The following CLTCL1 variants were observed in gnomAD, a reference collection of about 807,000 sequenced individuals.
The protein encoded by CLTCL1 is clathrin heavy chain like 1.
In CLTCL1, 159 loss-of-function variants were observed where a neutral mutation model predicts 190.0. The ratio of observed to expected loss-of-function variants is 0.84; its 90% CI spans 0.74 to 0.95. The LOEUF (loss-of-function observed/expected upper bound fraction) is 0.95, where lower values mean the gene tolerates loss of function less well. CLTCL1 is among the 40% of genes least tolerant of loss of function. The probability of loss-of-function intolerance (pLI) is 0.00; values close to 1 mark genes in which losing one functional copy is unlikely to be tolerated. For missense variants in CLTCL1, 1,878 were observed against 2,033.4 expected, an observed-to-expected ratio of 0.92 and a Z score of 1.47; for synonymous variants, 752 against 769.6, an observed-to-expected ratio of 0.98 and a Z score of 0.38.
At position 19,238,242 on chromosome 22, in the gene CLTCL1, G is replaced by A. The variant is rs537240066; in HGVS notation, c.795+1033C>T. 1.4e-3 allele frequency among the ~76,000 whole-genome samples: 208 copies of A among 152,016 alleles called. 1 individual carries two copies. The highest frequency in any genetic ancestry group is 5.2e-3 in the South Asian group (25 of 4,818). ...GTAGCTGGGACTACAGGTGCACACC[G>A]CCATGCCCAGTTAATTTTTTATATT... is the stretch of plus-strand genomic sequence containing the variant. On this transcript the variant is annotated intron_variant, in intron 5 of 32. Coordinates refer to ENST00000427926, the MANE Select transcript of CLTCL1 (RefSeq NM_007098.4).
chr22:19,185,953 T>C (rs1601432881), intron 29 of CLTCL1, among the ~76,000 whole-genome samples: 1 of 152,302 alleles, frequency 6.6e-6, no homozygotes, highest in African/African-American at 2.4e-5. Flanking sequence ...CCATTCCCTC[T>C]GCAGGGGCCC....
At position 19,201,279 on chromosome 22, in the gene CLTCL1, G is replaced by A. The variant is rs1386170707; in HGVS notation, c.3765+50C>T. On this transcript the variant is annotated intron_variant, in intron 23 of 32. Coordinates refer to ENST00000427926, the MANE Select transcript of CLTCL1 (RefSeq NM_007098.4). ...CCGAGCAGAACGCAAAGGACACGGA[G>A]AGCGTGCCTGTCCAGCACACTCTGC... is the stretch of plus-strand genomic sequence containing the variant. The A allele has an allele frequency of 3.9e-6, 6 of 1,554,858 alleles. No homozygotes were observed. The African/African-American group carries it at 4.1e-5, about 11-fold the overall frequency.
At chr22:19,191,232 G>C in intron 27 of CLTCL1, 72 bp downstream of exon 27, 1 of 1,573,810 alleles carries the variant, frequency 6.4e-7, no homozygotes, top group African/African-American at 1.4e-5. Flanking sequence ...CTTTATAAAG[G>C]TGCTATCATT....
rs782498536 is a variant in CLTCL1, at chr22:19,242,819, C to CA, written c.636dup (p.Ala213CysfsTer10). 164 of 1,613,838 alleles carry CA rather than the reference C, an allele frequency of 1.0e-4. No homozygotes were observed. The highest frequency in any genetic ancestry group is 1.3e-4 in the Non-Finnish European group (155 of 1,179,888). On this transcript the variant is annotated frameshift_variant, in exon 4 of 33. Transcript: ENST00000427926. LOFTEE classifies it high-confidence loss of function. Reference sequence around the variant, plus strand: ...CGTACAGCAAAGCAGAAAAGGGTGGCAGGCTTGGCATTCCCCTCCATCTTG... The same window carrying CA: ...CGTACAGCAAAGCAGAAAAGGGTGGCAAGGCTTGGCATTCCCCTCCATCTTG...
intron 15 of CLTCL1, 144 bp downstream of exon 15, chr22:19,222,540 C>A: frequency 1.1e-6 from 1 of 920,730 alleles, no homozygotes; most frequent in South Asian, 1.7e-5. Context: ...GTCTTCTACT[C>A]TGGCAGTCTG....
chr22:19,199,978 A>G, intron 23 of CLTCL1, 137 bp from the exon 24 acceptor site: 1 of 599,862 alleles, frequency 1.7e-6, no homozygotes, highest in Non-Finnish European at 3.0e-6. Flanking sequence ...ACAAGTAGCT[A>G]ACTCTATGAT....
At chr22:19,268,891 A>G (rs1228089796) in intron 2 of CLTCL1, among the ~76,000 whole-genome samples, 1 of 152,140 alleles carries the variant, frequency 6.6e-6, no homozygotes, top group African/African-American at 2.4e-5. Context: ...TCAGATCAAG[A>G]CCATCCTGGC....
intron 29 of CLTCL1, chr22:19,184,196 C>T: frequency 6.8e-6 from 2 of 294,250 alleles, no homozygotes. Flanking sequence ...ACAGCAGGCA[C>T]TGGATCACCT....
At chr22:19,229,748 C>T (rs2085859534) in intron 11 of CLTCL1, 90 bp downstream of exon 11, 3 of 1,325,056 alleles carry the variant, frequency 2.3e-6, no homozygotes, top group Non-Finnish European at 1.0e-6. Context: ...ACAAGCCCAG[C>T]CCAGTCCAAA....
At chr22:19,266,406 G>A (rs1272181586) in intron 2 of CLTCL1, among the ~76,000 whole-genome samples, 3 of 152,128 alleles carry the variant, frequency 2.0e-5, no homozygotes, top group Non-Finnish European at 4.4e-5. Context: ...CAGATTCACA[G>A]CAAGTAAGGA....
At chr22:19,288,942 C>T (rs575491116) in intron 1 of CLTCL1, among the ~76,000 whole-genome samples, 3 of 152,358 alleles carry the variant, frequency 2.0e-5, no homozygotes, top group Admixed American at 1.3e-4. Flanking sequence ...CTGGACATCA[C>T]AGAAGATGCG....
intron 9 of CLTCL1, 41 bp downstream of exon 9, chr22:19,233,125 G>A (rs807458): frequency 0.066 from 103,963 of 1,587,146 alleles, 3,644 homozygotes; most frequent in Middle Eastern, 0.11. Context: ...TCAACCACAC[G>A]TGAGTAATCT....
intron 19 of CLTCL1, among the ~76,000 whole-genome samples, chr22:19,214,034 T>C (rs1279478740): frequency 6.6e-6 from 1 of 152,224 alleles, no homozygotes; most frequent in Non-Finnish European, 1.5e-5. Context: ...TGTATGACTG[T>C]ACTACAGCCT....
At position 19,194,153 on chromosome 22, in the gene CLTCL1, C is replaced by T. The variant is rs182883362; in HGVS notation, c.4191+2113G>A. On this transcript the variant is annotated intron_variant, in intron 26 of 32. Coordinates refer to ENST00000427926, the MANE Select transcript of CLTCL1 (RefSeq NM_007098.4). ...GATTGGTGCATTTACAATCCTTTAG[C>T]TAGATGCAGAGTGCTGATTGGTGTA... 9.5e-4 allele frequency among the ~76,000 whole-genome samples: 144 copies of T among 152,250 alleles called. 2 individuals carry two copies. In the South Asian group the frequency reaches 0.014, roughly 15 times the overall value.
Position 19,191,372 on chromosome 22 carries a change from T to G in CLTCL1, c.4255A>C (p.Ile1419Leu), listed in dbSNP as rs782255546. 2 of 1,614,044 alleles carry G rather than the reference T, an allele frequency of 1.2e-6. No homozygotes were observed. The highest frequency in any genetic ancestry group is 1.7e-6 in the Non-Finnish European group (2 of 1,179,896). Reference protein sequence around the residue: ...QFYLDYKPLLINDLLLVLSPR... With the variant: ...QFYLDYKPLLLNDLLLVLSPR... ...GAAAGCACCAGCAGCAGGTCATTGATGAGCAGTGGTTTGTAATCCAAATAG... is the reference window on the plus strand; with the variant it reads ...GAAAGCACCAGCAGCAGGTCATTGAGGAGCAGTGGTTTGTAATCCAAATAG... The change falls in exon 27 of 33, where the codon ATC becomes CTC. Residue 1419 changes from isoleucine (I) to leucine (L), a missense_variant. Ile to Leu is a conservative substitution (Grantham distance 5). Transcript: ENST00000427926.
intron 22 of CLTCL1, among the ~76,000 whole-genome samples, chr22:19,204,128 G>A (rs2084979654): frequency 1.3e-5 from 2 of 152,158 alleles, no homozygotes; most frequent in Admixed American, 6.5e-5. Context: ...GAGGGGTTCC[G>A]CTGACCCCTA....
rs781997587 is a variant in CLTCL1 at position 19,180,910 on chromosome 22, G to T, written c.4828-104C>A. 11 of 939,632 alleles carry T rather than the reference G, an allele frequency of 1.2e-5. No homozygotes were observed. In the South Asian group the frequency reaches 1.2e-4, roughly 10 times the overall value. 58.2% of individuals were successfully genotyped at this position (939,632 alleles called of 1,614,324 possible). On this transcript the variant is annotated intron_variant, in intron 30 of 32. Transcript: ENST00000427926. ...CAGGACACAGGGCCTCCAGGAGAATGACAGTGGAGGAGGTGCACATGGGCA... is the reference window on the plus strand; with the variant it reads ...CAGGACACAGGGCCTCCAGGAGAATTACAGTGGAGGAGGTGCACATGGGCA...
chr22:19,254,023 T>C lies in CLTCL1; in HGVS notation c.455A>G (p.Gln152Arg), dbSNP rs781966002. 3 of 1,612,740 alleles carry C rather than the reference T, an allele frequency of 1.9e-6. No individual in the cohort carries two copies. The highest frequency in any genetic ancestry group is 2.2e-5 in the East Asian group (1 of 44,868). ...CTCATCAGTCCGGTAGTGAATCACC[T>C]GGCAGCCCACCAGACTGGTATGTCT... ...FDRHTSLVGCQVIHYRTDEYQ... is the reference protein window; with the variant it reads ...FDRHTSLVGCRVIHYRTDEYQ... The change falls in exon 3 of 33, where the codon CAG (glutamine) becomes CGG (arginine). Residue 152 changes from glutamine to arginine, a missense_variant. By Grantham distance (43) the Gln-to-Arg change is conservative. Coordinates refer to ENST00000427926, the MANE Select transcript of CLTCL1 (RefSeq NM_007098.4).
chr22:19,248,635 T>G (rs2086494606), intron 3 of CLTCL1, among the ~76,000 whole-genome samples: 1 of 152,242 alleles, frequency 6.6e-6, no homozygotes, highest in African/African-American at 2.4e-5. Context: ...ATCCTGAACA[T>G]TTCAAATAAA....
Sources: gnomAD v4.1 joint callset for allele counts (sites outside exome capture counted in the v4.1 genomes callset) on GRCh38, gnomAD v4.1.1 for gene constraint, MANE v1.5 for transcripts, NCBI Gene and HGNC (gene_info 2026-07-23, HGNC 2026-07-21) for gene names.